Variants in DISC1 observed in about 807,000 individuals in gnomAD.
DISC1 encodes the protein disrupted in schizophrenia 1 protein.
In DISC1, 57 loss-of-function variants were observed where a neutral mutation model predicts 84.5. The observed-to-expected ratio is 0.67, with a 90% CI of 0.55 to 0.84. The LOEUF (loss-of-function observed/expected upper bound fraction) is 0.84. Among genes scored for constraint, DISC1 ranks in the 40% least tolerant of loss-of-function variants. The probability of loss-of-function intolerance (pLI) is 0.00; values close to 1 mark genes in which losing one functional copy is unlikely to be tolerated. For synonymous variants in DISC1, 411 were observed against 415.2 expected (o/e 0.99, Z 0.12); for missense variants, 1,000 against 1,057.8 (o/e 0.95, Z 0.76).
chr1:231,999,102 C>T (rs191894366), intron 10 of DISC1, among the ~76,000 whole-genome samples: 4 of 152,022 alleles, frequency 2.6e-5, no homozygotes, highest in African/African-American at 9.6e-5. Flanking sequence ...AGATTTGATC[C>T]ACCCAATGGA....
intron 12 of DISC1, among the ~76,000 whole-genome samples, chr1:232,029,427 A>G (rs1669789115): frequency 6.6e-6 from 1 of 152,222 alleles, no homozygotes; most frequent in Non-Finnish European, 1.5e-5. Flanking sequence ...CCGTTGTTTC[A>G]AATTAGAGCT....
chr1:231,667,400 G>A (rs1198130205), intron 1 of DISC1, among the ~76,000 whole-genome samples: 2 of 152,152 alleles, frequency 1.3e-5, no homozygotes, highest in South Asian at 2.1e-4. Context: ...TTCCTGATAA[G>A]CTGCAGGGCA....
intron 3 of DISC1, among the ~76,000 whole-genome samples, chr1:231,708,525 A>C (rs1477287218): frequency 6.6e-6 from 1 of 151,928 alleles, no homozygotes; most frequent in Non-Finnish European, 1.5e-5. Context: ...GCTGCATACG[A>C]CCCCCTTTGC....
At position 231,786,799 on chromosome 1, in the gene DISC1, A is replaced by G. The variant is rs550393001; in HGVS notation, c.1635-8443A>G. On this transcript the variant is annotated intron_variant, in intron 6 of 12. Transcript: ENST00000439617. Reference sequence around the variant, plus strand: ...CCTTCAAGGTAGCCTGTGCTCGACTACTGCTTGGGCCTAGAGGTATGCCCA... The same window carrying G: ...CCTTCAAGGTAGCCTGTGCTCGACTGCTGCTTGGGCCTAGAGGTATGCCCA... Among the ~76,000 whole-genome samples, 6 of 152,206 alleles carry G rather than the reference A, an allele frequency of 3.9e-5. 1 individual carries two copies. The South Asian group carries it at 6.2e-4, about 16-fold the overall frequency.
rs933298029 is a variant in DISC1, at chr1:231,826,929, A to G, written c.1981+8412A>G. Among the ~76,000 whole-genome samples, 4 of 152,350 alleles carry G rather than the reference A, an allele frequency of 2.6e-5. No homozygotes were observed. The highest frequency in any genetic ancestry group is 9.6e-5 in the African/African-American group (4 of 41,588). On this transcript the variant is annotated intron_variant, in intron 9 of 12. Transcript: ENST00000439617. This position sits in a 1 kb window ranked among gnomAD's most constrained non-coding sequence, Gnocchi z 4.2. ...TTTGATTACAAGGAATTCAATTTGC[A>G]ACATGTGATGTCAATCTTTCTAGGC...
intron 9 of DISC1, among the ~76,000 whole-genome samples, chr1:231,938,995 A>G (rs971219726): frequency 2.0e-5 from 3 of 152,170 alleles, no homozygotes; most frequent in Non-Finnish European, 2.9e-5. Flanking sequence ...TTGAAATGTC[A>G]GCATCTCAAA....
intron 4 of DISC1, among the ~76,000 whole-genome samples, chr1:231,762,460 A>G (rs2793089): frequency 0.71 from 104,931 of 148,442 alleles, 37,638 homozygotes; most frequent in Non-Finnish European, 0.77. Flanking sequence ...TCAGCCTCCC[A>G]AGTAGCTGGG....
At chr1:231,768,730 G>A (rs1321828361) in intron 5 of DISC1, among the ~76,000 whole-genome samples, 2 of 152,164 alleles carry the variant, frequency 1.3e-5, no homozygotes, top group Non-Finnish European at 2.9e-5. Flanking sequence ...GTGAGAATGG[G>A]GAGATAGACA....
At chr1:231,923,920 T>C (rs2090170950) in intron 9 of DISC1, among the ~76,000 whole-genome samples, 1 of 152,196 alleles carries the variant, frequency 6.6e-6, no homozygotes, top group African/African-American at 2.4e-5. Flanking sequence ...GGAGGCGTGA[T>C]GGGAGCTTAG....
intron 9 of DISC1, among the ~76,000 whole-genome samples, chr1:231,908,439 T>A (rs958603573): frequency 3.9e-5 from 6 of 152,222 alleles, no homozygotes; most frequent in Non-Finnish European, 7.3e-5. Flanking sequence ...GGGAATCGTT[T>A]CCCCATTTCT....
chr1:231,637,807 G>A (rs965146897), intron 1 of DISC1, among the ~76,000 whole-genome samples: 1 of 152,278 alleles, frequency 6.6e-6, no homozygotes, highest in African/African-American at 2.4e-5. Context: ...AAACATGTGA[G>A]TCCAGGTATT....
chr1:232,036,477 T>A (rs1235501993), intron 12 of DISC1, among the ~76,000 whole-genome samples: 2 of 152,094 alleles, frequency 1.3e-5, no homozygotes, highest in Non-Finnish European at 2.9e-5. Flanking sequence ...CTTGAGAGAG[T>A]CAATACCTCA....
At chr1:231,776,481 C>T (rs918121806) in intron 6 of DISC1, among the ~76,000 whole-genome samples, 1 of 152,194 alleles carries the variant, frequency 6.6e-6, no homozygotes, top group African/African-American at 2.4e-5. Flanking sequence ...CTGGCTGGGC[C>T]TTGGTTGGAG....
At position 231,694,783 on chromosome 1, in the gene DISC1, T is replaced by G. The variant is rs2065431321; in HGVS notation, c.1025T>G (p.Leu342Arg). 6.2e-7 allele frequency: 1 copy of G among 1,613,868 alleles called. No individual in the cohort carries two copies. The highest frequency in any genetic ancestry group is 2.2e-5 in the East Asian group (1 of 44,870). ...GAGCCAGTGCTGCGGGACTGCCTGCTGAGAAACCGGAGGCAGATGGAGGTC... is the reference window on the plus strand; with the variant it reads ...GAGCCAGTGCTGCGGGACTGCCTGCGGAGAAACCGGAGGCAGATGGAGGTC... ...KWEPVLRDCL[L>R]RNRRQMEVIS... The change falls in exon 2 of 13, where the codon CTG becomes CGG. Residue 342 changes from leucine to arginine, a missense_variant. Leu to Arg is a moderately radical substitution (Grantham distance 102). This residue lies in a region of DISC1 where 311 missense variants were observed against 400.1 expected (regional missense o/e 0.78). Transcript: ENST00000439617.
At position 232,037,009 on chromosome 1, in the gene DISC1, A is replaced by G; in HGVS notation, c.*178A>G. 3 of 556,038 alleles carry G rather than the reference A, an allele frequency of 5.4e-6. No individual in the cohort carries two copies. Among genetic ancestry groups the G allele is most frequent in the Non-Finnish European group, 8.4e-6 (3 of 357,490 alleles). 34.4% of individuals were successfully genotyped at this position (556,038 alleles called of 1,614,324 possible). On this transcript the variant is annotated 3_prime_UTR_variant, in exon 13 of 13. Coordinates refer to ENST00000439617, the MANE Select transcript of DISC1 (RefSeq NM_018662.3). Reference sequence around the variant, plus strand: ...ATCAGTGTGAAACTGAGGAGTCTGCAATTTGGAATATGGAGAGAGAGACTG... The same window carrying G: ...ATCAGTGTGAAACTGAGGAGTCTGCGATTTGGAATATGGAGAGAGAGACTG...
chr1:231,831,789 G>A (rs1024780767), intron 9 of DISC1, among the ~76,000 whole-genome samples: 11 of 151,968 alleles, frequency 7.2e-5, no homozygotes, highest in South Asian at 2.1e-4. Flanking sequence ...TTGACGTGTC[G>A]TCCTTTTGCA....
At chr1:232,014,419 G>A (rs1222348958) in intron 11 of DISC1, among the ~76,000 whole-genome samples, 1 of 152,178 alleles carries the variant, frequency 6.6e-6, no homozygotes, top group Non-Finnish European at 1.5e-5. Flanking sequence ...AGAAAGCAAA[G>A]AGCTAGGACA....
chr1:231,928,208 A>G (rs2090456152), intron 9 of DISC1, among the ~76,000 whole-genome samples: 1 of 152,356 alleles, frequency 6.6e-6, no homozygotes, highest in Middle Eastern at 3.4e-3. Context: ...CAGCTATTAA[A>G]ACTGGAGAGG....
At chr1:232,024,047 ATATATGTGTATGTGTG>A (rs1669211870) in intron 11 of DISC1, among the ~76,000 whole-genome samples, 1 of 133,024 alleles carries the variant, frequency 7.5e-6, no homozygotes, top group South Asian at 2.6e-4. Context: ...ATATATATGT[ATATATGTGTATGTGTG>A]TATATATATA....
Sources: gnomAD v4.1 joint callset for allele counts (sites outside exome capture counted in the v4.1 genomes callset) on GRCh38, gnomAD v4.1.1 for gene constraint, gnomAD v4.1.1 regional missense constraint, Gnocchi (gnomAD v3.1) non-coding constraint, MANE v1.5 for transcripts, NCBI Gene and HGNC (gene_info 2026-07-23, HGNC 2026-07-21) for gene names.